SAR1B: variants seen among roughly 807,000 people sequenced by gnomAD.
The protein encoded by SAR1B is secretion associated Ras related GTPase 1B.
SAR1B carries 23 observed loss-of-function variants against 26.8 expected under a neutral mutation model. The observed-to-expected ratio is 0.86, with a 90% confidence interval of 0.62 to 1.22. The LOEUF (loss-of-function observed/expected upper bound fraction) is 1.22, where lower values mean the gene tolerates loss of function less well. Among genes scored for constraint, SAR1B ranks in the 50% most tolerant of loss-of-function variants. The pLI is 0.00. For missense variants in SAR1B, 196 were observed against 232.8 expected (o/e 0.84, Z 1.03); for synonymous variants, 65 against 80.8 (o/e 0.80, Z 1.05).
Position 134,606,042 on chromosome 5 carries a change from A to G in SAR1B, c.*908T>C, listed in dbSNP as rs901502966. ...GCACAGATTACCCCATTGGGCACCA[A>G]TAAGACTGGAGCACTTCAGAATTAG... On this transcript the variant is annotated 3_prime_UTR_variant, in exon 7 of 7. Coordinates refer to ENST00000402673, the MANE Select transcript of SAR1B (RefSeq NM_016103.4). The G allele has an allele frequency of 6.6e-6, 1 of 152,252 alleles. No individual in the cohort carries two copies. Among genetic ancestry groups the G allele is most frequent in the Non-Finnish European group, 1.5e-5 (1 of 68,058 alleles). The allele number at this position is 152,252 out of a possible 1,614,324, so 9.4% of individuals were successfully genotyped here. A position where few individuals can be genotyped will look rare whatever the true frequency, so the allele number is the denominator to read the frequency against.
intron 4 of SAR1B, among the ~76,000 whole-genome samples, chr5:134,611,922 G>C (rs1307552643): frequency 6.6e-6 from 1 of 152,102 alleles, no homozygotes; most frequent in Non-Finnish European, 1.5e-5. Flanking sequence ...CCAACTTTTG[G>C]GAGACTGAGA....
chr5:134,626,115 G>A (rs1335959322), intron 1 of SAR1B, among the ~76,000 whole-genome samples: 1 of 151,516 alleles, frequency 6.6e-6, no homozygotes, highest in African/African-American at 2.4e-5. Flanking sequence ...CCTGGCCAAC[G>A]TGGCAAAACC....
intron 3 of SAR1B, among the ~76,000 whole-genome samples, chr5:134,619,539 G>C (rs1339483398): frequency 6.6e-6 from 1 of 150,780 alleles, no homozygotes; most frequent in African/African-American, 2.4e-5. Flanking sequence ...TTTTGTTTTT[G>C]TTTTTGTAGA....
At chr5:134,608,242 C>G in intron 6 of SAR1B, 130 bp downstream of exon 6, 1 of 940,128 alleles carries the variant, frequency 1.1e-6, no homozygotes, top group Non-Finnish European at 1.6e-6. Flanking sequence ...TTAAAAAGAC[C>G]CACAGGTATA....
At chr5:134,627,337 C>T (rs998964971) in intron 1 of SAR1B, among the ~76,000 whole-genome samples, 1 of 150,754 alleles carries the variant, frequency 6.6e-6, no homozygotes, top group Non-Finnish European at 1.5e-5. Flanking sequence ...AGGCGTGAGC[C>T]ACCGCGCCCC....
chr5:134,610,954 C>G (rs1765202161), intron 4 of SAR1B, among the ~76,000 whole-genome samples: 1 of 150,300 alleles, frequency 6.7e-6, no homozygotes, highest in Non-Finnish European at 1.5e-5. Flanking sequence ...ACCTCAGACT[C>G]TTGAGCTCAA....
chr5:134,618,957 C>T (rs1765357897), intron 3 of SAR1B, among the ~76,000 whole-genome samples: 1 of 150,186 alleles, frequency 6.7e-6, no homozygotes, highest in African/African-American at 2.5e-5. Flanking sequence ...GAGATGGTGC[C>T]ACTGCACTTC....
rs552374944 is a variant in SAR1B at position 134,623,441 on chromosome 5, GAAAC to G, written c.58+517_58+520del. 5.3e-3 allele frequency among the ~76,000 whole-genome samples: 705 copies of G among 131,878 alleles called. 1 individual carries two copies. Among genetic ancestry groups the G allele is most frequent in the Middle Eastern group, 0.032 (7 of 216 alleles). The allele number at this position is 131,878 out of a possible 152,430, so 86.5% of individuals were successfully genotyped here. The stretch of plus-strand genomic sequence containing the variant: ...GGCGACAGAGCGAGACTCCATCTCA[GAAAC>G]AAACAAACAAACAAAACACCAGCCT... On this transcript the variant is annotated intron_variant, in intron 2 of 6. Coordinates refer to ENST00000402673, the MANE Select transcript of SAR1B (RefSeq NM_016103.4).
intron 3 of SAR1B, 65 bp downstream of exon 3, chr5:134,620,868 T>C (rs978514586): frequency 6.3e-7 from 1 of 1,581,158 alleles, no homozygotes; most frequent in African/African-American, 1.3e-5. Context: ...AAAACACTTT[T>C]GGTTAGTGCA....
At chr5:134,616,486 A>C (rs1056116506) in intron 3 of SAR1B, among the ~76,000 whole-genome samples, 8 of 150,008 alleles carry the variant, frequency 5.3e-5, no homozygotes, top group Non-Finnish European at 1.0e-4. Flanking sequence ...AGATTGCCAA[A>C]TGAATAAAAT....
chr5:134,626,970 T>C (rs1041129785), intron 1 of SAR1B, among the ~76,000 whole-genome samples: 1 of 152,204 alleles, frequency 6.6e-6, no homozygotes, highest in Non-Finnish European at 1.5e-5. Context: ...AAAGCTATTA[T>C]AGAAAAATTT....
chr5:134,623,531 G>A (rs1287264094), intron 2 of SAR1B, among the ~76,000 whole-genome samples: 2 of 148,346 alleles, frequency 1.3e-5, no homozygotes, highest in Non-Finnish European at 3.0e-5. Flanking sequence ...AGAACTGCTG[G>A]GTAAAGAAGT....
At chr5:134,623,053 C>T (rs1002142396) in intron 2 of SAR1B, among the ~76,000 whole-genome samples, 1 of 145,964 alleles carries the variant, frequency 6.9e-6, no homozygotes, top group Admixed American at 7.1e-5. Context: ...AACCAGGAGG[C>T]GAAGGTTGCA....
chr5:134,627,115 G>T (rs563020824), intron 1 of SAR1B, among the ~76,000 whole-genome samples: 15 of 151,744 alleles, frequency 9.9e-5, no homozygotes, highest in Non-Finnish European at 1.6e-4. Flanking sequence ...GCACTGGCGC[G>T]ATCTCCTCTC....
rs1161894556 is a variant in SAR1B at position 134,603,668 on chromosome 5, GC to G, written c.*3281del. On this transcript the variant is annotated 3_prime_UTR_variant, in exon 7 of 7. Coordinates refer to ENST00000402673, the MANE Select transcript of SAR1B (RefSeq NM_016103.4). ...ACAAAAATTAGCCGGGCATGGTGGT[GC>G]GCGCCTGTAGTCCCAGCTACTCAGG... 4 of 152,096 alleles carry G rather than the reference GC, an allele frequency of 2.6e-5. No individual in the cohort carries two copies. Among genetic ancestry groups the G allele is most frequent in the Non-Finnish European group, 4.4e-5 (3 of 68,044 alleles). The allele number at this position is 152,096 out of a possible 1,614,324, so 9.4% of individuals were successfully genotyped here.
At position 134,622,843 on chromosome 5, in the gene SAR1B, C is replaced by T. The variant is rs186227763; in HGVS notation, c.58+1119G>A. On this transcript the variant is annotated intron_variant, in intron 2 of 6. Coordinates refer to ENST00000402673, the MANE Select transcript of SAR1B (RefSeq NM_016103.4). ...TACCTAGAAACTGTAGCAAGGAGGCCGGGCACAGTGGCTCACGCCTGTAAT... is the reference window on the plus strand; with the variant it reads ...TACCTAGAAACTGTAGCAAGGAGGCTGGGCACAGTGGCTCACGCCTGTAAT... 3.7e-3 allele frequency among the ~76,000 whole-genome samples: 555 copies of T among 151,368 alleles called. 3 individuals carry two copies. The highest frequency in any genetic ancestry group is 0.013 in the African/African-American group (529 of 41,238).
rs757101726 is a variant in SAR1B, at chr5:134,606,933, A to G, written c.*17T>C. 3.3e-6 allele frequency: 5 copies of G among 1,529,214 alleles called. No homozygotes were observed. The highest frequency in any genetic ancestry group is 3.6e-6 in the Non-Finnish European group (4 of 1,102,618). The allele number at this position is 1,529,214 out of a possible 1,614,324, so 94.7% of individuals were successfully genotyped here. A position where few individuals can be genotyped will look rare whatever the true frequency, so the allele number is the denominator to read the frequency against. ...GTAAGCCTGAACGTTGAGACCTGGA[A>G]CCAATGTGAGTTTGTGTTAATCAAT... On this transcript the variant is annotated 3_prime_UTR_variant, in exon 7 of 7. Coordinates refer to ENST00000402673, the MANE Select transcript of SAR1B (RefSeq NM_016103.4).
At chr5:134,625,083 G>A (rs1446024408) in intron 1 of SAR1B, among the ~76,000 whole-genome samples, 1 of 152,206 alleles carries the variant, frequency 6.6e-6, no homozygotes, top group Non-Finnish European at 1.5e-5. Flanking sequence ...TATGTCTCTT[G>A]TCTAAGATTA....
Position 134,605,633 on chromosome 5 carries a change from C to A in SAR1B, c.*1317G>T, listed in dbSNP as rs1243379390. ...CAGCCTGGACAACATGGTGAAACCC[C>A]GTCTCTAAAACAAAATGAAACAGAG... is the stretch of plus-strand genomic sequence containing the variant. On this transcript the variant is annotated 3_prime_UTR_variant, in exon 7 of 7. Transcript: ENST00000402673. The A allele has an allele frequency of 6.6e-5, 9 of 135,690 alleles. No individual in the cohort carries two copies. Among genetic ancestry groups the A allele is most frequent in the Non-Finnish European group, 1.2e-4 (8 of 64,586 alleles). The allele number at this position is 135,690 out of a possible 1,614,324, so 8.4% of individuals were successfully genotyped here.
Sources: gnomAD v4.1 joint callset for allele counts (sites outside exome capture counted in the v4.1 genomes callset) on GRCh38, gnomAD v4.1.1 for gene constraint, MANE v1.5 for transcripts, NCBI Gene and HGNC (gene_info 2026-07-23, HGNC 2026-07-21) for gene names.